NECAB1: variants seen among roughly 807,000 people sequenced by gnomAD.
NECAB1 encodes N-terminal EF-hand calcium binding protein 1.
Under a neutral mutation model 57.5 loss-of-function variants are expected in NECAB1, and 29 were observed. The ratio of observed to expected loss-of-function variants is 0.50; its 90% CI spans 0.38 to 0.69. NECAB1 has a LOEUF of 0.69. Among genes scored for constraint, NECAB1 ranks in the 30% least tolerant of loss-of-function variants. The probability of loss-of-function intolerance (pLI) is 0.00; values close to 1 mark genes in which losing one functional copy is unlikely to be tolerated. For synonymous variants in NECAB1, 142 were observed against 147.7 expected (o/e 0.96, Z 0.28); for missense variants, 372 against 413.8 (o/e 0.90, Z 0.88).
chr8:90,942,679 C>T (rs141812688), intron 10 of NECAB1, among the ~76,000 whole-genome samples: 15 of 152,118 alleles, frequency 9.9e-5, no homozygotes, highest in Non-Finnish European at 1.0e-4. Flanking sequence ...GTCAGGAGTT[C>T]GAGACCAGAC....
At chr8:90,869,963 G>A (rs566712055) in intron 3 of NECAB1, among the ~76,000 whole-genome samples, 2 of 152,250 alleles carry the variant, frequency 1.3e-5, no homozygotes, top group African/African-American at 4.8e-5. Context: ...GTACCTGGTG[G>A]GACGTGATTG....
Position 90,791,820 on chromosome 8 carries a change from G to A in NECAB1, c.-67G>A. On this transcript the variant is annotated 5_prime_UTR_variant, in exon 1 of 13. Coordinates refer to ENST00000417640, the MANE Select transcript of NECAB1 (RefSeq NM_022351.5). Reference sequence around the variant, plus strand: ...CGGCGGCGAAGCAGCAGCTGCGGCCGCGCCCTTGCCAGAGCCGGTGCGTCC... The same window carrying A: ...CGGCGGCGAAGCAGCAGCTGCGGCCACGCCCTTGCCAGAGCCGGTGCGTCC... The A allele has an allele frequency of 1.5e-6, 2 of 1,328,490 alleles. No individual in the cohort carries two copies. Among genetic ancestry groups the A allele is most frequent in the Non-Finnish European group, 2.1e-6 (2 of 958,510 alleles). The allele number at this position is 1,328,490 out of a possible 1,614,324, so 82.3% of individuals were successfully genotyped here.
intron 5 of NECAB1, among the ~76,000 whole-genome samples, chr8:90,904,383 T>C (rs1809582317): frequency 6.6e-6 from 1 of 151,394 alleles, no homozygotes. Context: ...GGATTAAAAA[T>C]AGGAGAAATG....
chr8:90,802,493 C>T (rs1461224291), intron 2 of NECAB1, among the ~76,000 whole-genome samples: 1 of 151,998 alleles, frequency 6.6e-6, no homozygotes, highest in East Asian at 1.9e-4. Flanking sequence ...TTATAAGTAC[C>T]ATGGTAGAGG....
intron 5 of NECAB1, among the ~76,000 whole-genome samples, chr8:90,891,801 C>G (rs1299044492): frequency 1.3e-5 from 2 of 151,968 alleles, no homozygotes; most frequent in Non-Finnish European, 2.9e-5. Context: ...TCAAGCGATT[C>G]TCCTGCCTCA....
chr8:90,912,714 G>C (rs1420874083), intron 5 of NECAB1, among the ~76,000 whole-genome samples: 1 of 151,860 alleles, frequency 6.6e-6, no homozygotes, highest in African/African-American at 2.4e-5. Flanking sequence ...ATTTGATATA[G>C]TGGTCTCCCA....
At chr8:90,919,153 C>A (rs1810046156) in intron 6 of NECAB1, among the ~76,000 whole-genome samples, 1 of 152,150 alleles carries the variant, frequency 6.6e-6, no homozygotes, top group Non-Finnish European at 1.5e-5. Context: ...GTAGGGCACA[C>A]ATCAAGGTGA....
intron 9 of NECAB1, among the ~76,000 whole-genome samples, chr8:90,936,294 A>G (rs1024618670): frequency 1.3e-5 from 2 of 152,152 alleles, no homozygotes; most frequent in African/African-American, 4.8e-5. Flanking sequence ...GGAAAAATAA[A>G]TTCTATGACA....
intron 2 of NECAB1, among the ~76,000 whole-genome samples, chr8:90,811,743 G>A (rs1236579757): frequency 6.6e-6 from 1 of 152,048 alleles, no homozygotes; most frequent in Non-Finnish European, 1.5e-5. Flanking sequence ...TTTCAGGTAG[G>A]CTTTCTTATC....
intron 6 of NECAB1, among the ~76,000 whole-genome samples, chr8:90,918,002 G>A (rs58750478): frequency 0.51 from 67,775 of 133,442 alleles, 20,578 homozygotes; most frequent in African/African-American, 0.83. Flanking sequence ...ATGTGTGTGT[G>A]TATATATATA....
chr8:90,797,090 A>G (rs1015830445), intron 1 of NECAB1, among the ~76,000 whole-genome samples: 4 of 152,224 alleles, frequency 2.6e-5, no homozygotes, highest in East Asian at 1.9e-4. Flanking sequence ...CTGGGGCTCC[A>G]TGGTTGCAGA....
chr8:90,801,145 G>A (rs918298503), intron 1 of NECAB1, among the ~76,000 whole-genome samples: 1 of 151,988 alleles, frequency 6.6e-6, no homozygotes, highest in Non-Finnish European at 1.5e-5. Flanking sequence ...GTGCACATAT[G>A]TAAAGTGTAA....
At chr8:90,872,042 A>G in intron 3 of NECAB1, 86 bp from the exon 4 acceptor site, 1 of 1,006,920 alleles carries the variant, frequency 9.9e-7, no homozygotes, top group Non-Finnish European at 1.5e-6. Context: ...TATAGCTTGG[A>G]GACTAACTGT....
At chr8:90,938,039 A>C (rs1810579723) in intron 9 of NECAB1, among the ~76,000 whole-genome samples, 1 of 152,208 alleles carries the variant, frequency 6.6e-6, no homozygotes, top group African/African-American at 2.4e-5. Flanking sequence ...AAATGTACTA[A>C]ATAGAACAAA....
intron 3 of NECAB1, among the ~76,000 whole-genome samples, chr8:90,867,632 A>G (rs546702054): frequency 5.2e-4 from 79 of 152,350 alleles, no homozygotes; most frequent in Non-Finnish European, 1.0e-3. Flanking sequence ...CAGTCGAGAT[A>G]TAGGTAAATA....
intron 4 of NECAB1, among the ~76,000 whole-genome samples, chr8:90,878,353 C>T (rs1197423615): frequency 1.3e-5 from 2 of 152,180 alleles, no homozygotes; most frequent in Non-Finnish European, 1.5e-5. Flanking sequence ...TGTTAGGCCA[C>T]AGAATGAGTA....
chr8:90,817,454 AT>A (rs1457347733), intron 2 of NECAB1, among the ~76,000 whole-genome samples: 5 of 110,544 alleles, frequency 4.5e-5, no homozygotes, highest in Admixed American at 1.9e-4. Context: ...TCAGCTATAG[AT>A]TTTTTTTGTA....
At chr8:90,953,967 G>C (rs1810967139) in intron 12 of NECAB1, among the ~76,000 whole-genome samples, 1 of 152,026 alleles carries the variant, frequency 6.6e-6, no homozygotes, top group East Asian at 1.9e-4. Context: ...TACTTGGTAG[G>C]CTGATGCAGG....
intron 6 of NECAB1, 35 bp downstream of exon 6, chr8:90,917,663 T>A (rs1809988560): frequency 5.7e-6 from 9 of 1,579,882 alleles, no homozygotes; most frequent in Non-Finnish European, 6.9e-6. Flanking sequence ...GTCTATTTAG[T>A]GACTCTATGT....
Sources: allele counts gnomAD v4.1 joint callset (sites outside exome capture counted in the v4.1 genomes callset), GRCh38; gene constraint gnomAD v4.1.1; transcripts MANE v1.5; gene names NCBI Gene and HGNC (gene_info 2026-07-23, HGNC 2026-07-21).